PLCB1: variants seen among roughly 807,000 people sequenced by gnomAD.
PLCB1 encodes the protein 1-phosphatidylinositol 4,5-bisphosphate phosphodiesterase beta-1.
PLCB1 carries 46 observed loss-of-function variants against 161.8 expected under a neutral mutation model. The ratio of observed to expected loss-of-function variants is 0.28; its 90% CI spans 0.22 to 0.36. PLCB1 has a LOEUF of 0.36. Ranked by LOEUF, PLCB1 falls within the 10% of genes least tolerant of loss-of-function variation. The pLI, the probability that PLCB1 is intolerant of heterozygous loss-of-function variation, is 1.00. For missense variants in PLCB1, 1,016 were observed against 1,472.5 expected (o/e 0.69, Z 5.07); for synonymous variants, 517 against 503.7 (o/e 1.03, Z -0.35).
intron 3 of PLCB1, among the ~76,000 whole-genome samples, chr20:8,512,247 T>C (rs1983919776): frequency 6.6e-6 from 1 of 152,142 alleles, no homozygotes; most frequent in East Asian, 1.9e-4. Context: ...CTGTAAAATT[T>C]TATGGAAAAA....
intron 2 of PLCB1, among the ~76,000 whole-genome samples, chr20:8,197,755 A>G (rs8183896): frequency 0.058 from 8,789 of 152,174 alleles, 1,111 homozygotes; most frequent in East Asian, 0.54. Flanking sequence ...CCTGCATGGT[A>G]TTGCCTAGGT....
chr20:8,870,772 A>G (rs1034727999), intron 31 of PLCB1, among the ~76,000 whole-genome samples: 4 of 152,214 alleles, frequency 2.6e-5, no homozygotes, highest in African/African-American at 9.6e-5. Flanking sequence ...CAACACTTTG[A>G]ATCTAAATCT....
At chr20:8,261,869 C>T (rs896854563) in intron 2 of PLCB1, among the ~76,000 whole-genome samples, 1 of 152,144 alleles carries the variant, frequency 6.6e-6, no homozygotes, top group African/African-American at 2.4e-5. Context: ...TAAAGTCCAT[C>T]AGACACACAA....
At chr20:8,681,102 A>ACATATG (rs1990204940) in intron 9 of PLCB1, among the ~76,000 whole-genome samples, 4 of 131,134 alleles carry the variant, frequency 3.1e-5, no homozygotes, top group Non-Finnish European at 4.9e-5. Context: ...ATATATATAT[A>ACATATG]TATATATATA....
chr20:8,233,942 A>G (rs1980195442), intron 2 of PLCB1, among the ~76,000 whole-genome samples: 1 of 152,082 alleles, frequency 6.6e-6, no homozygotes, highest in Admixed American at 6.6e-5. Context: ...ATAATATTCC[A>G]TTGTGTGGAT....
intron 3 of PLCB1, among the ~76,000 whole-genome samples, chr20:8,594,685 C>CA (rs1987267665): frequency 6.8e-6 from 1 of 147,582 alleles, no homozygotes; most frequent in Middle Eastern, 3.5e-3. Context: ...TTTGAGGAAA[C>CA]CAAAAAAAAA....
chr20:8,563,718 C>A (rs1436162187), intron 3 of PLCB1, among the ~76,000 whole-genome samples: 1 of 151,946 alleles, frequency 6.6e-6, no homozygotes, highest in East Asian at 1.9e-4. Flanking sequence ...AAACAGAGAG[C>A]CAAATCATAG....
intron 2 of PLCB1, among the ~76,000 whole-genome samples, chr20:8,323,071 T>TAGGA (rs1984987705): frequency 2.0e-5 from 3 of 152,146 alleles, no homozygotes; most frequent in Admixed American, 2.0e-4. Context: ...CTCAGTTAAC[T>TAGGA]GATTGCTTTG....
At chr20:8,295,260 G>A (rs749648262) in intron 2 of PLCB1, among the ~76,000 whole-genome samples, 2 of 151,952 alleles carry the variant, frequency 1.3e-5, no homozygotes, top group African/African-American at 2.4e-5. Flanking sequence ...TAGATAAATT[G>A]GTTTTTATTA....
intron 23 of PLCB1, among the ~76,000 whole-genome samples, chr20:8,747,347 A>C (rs1463112652): frequency 6.6e-6 from 1 of 152,234 alleles, no homozygotes; most frequent in Non-Finnish European, 1.5e-5. Flanking sequence ...ATTCATTTCC[A>C]TACTTGGGAA....
chr20:8,299,005 G>C (rs1200375564), intron 2 of PLCB1, among the ~76,000 whole-genome samples: 5 of 32,820 alleles, frequency 1.5e-4, no homozygotes, highest in Non-Finnish European at 2.4e-4. Context: ...CTTATAGGTA[G>C]GTAGATAGAC....
intron 3 of PLCB1, among the ~76,000 whole-genome samples, chr20:8,562,219 T>C (rs897263738): frequency 5.3e-5 from 8 of 152,042 alleles, no homozygotes; most frequent in Admixed American, 1.3e-4. Context: ...ACCTTGGCTG[T>C]ACATTGAAAT....
intron 3 of PLCB1, among the ~76,000 whole-genome samples, chr20:8,459,731 G>A (rs960321511): frequency 1.3e-5 from 2 of 152,246 alleles, no homozygotes; most frequent in East Asian, 1.9e-4. Flanking sequence ...CAGCTACAGA[G>A]GCCATGACAT....
intron 31 of PLCB1, among the ~76,000 whole-genome samples, chr20:8,819,257 C>T (rs1254751916): frequency 3.3e-5 from 5 of 152,088 alleles, no homozygotes; most frequent in Non-Finnish European, 7.4e-5. Context: ...GCACTGGAGA[C>T]ATGTGGAGAA....
At chr20:8,167,272 G>A (rs1411333195) in intron 2 of PLCB1, among the ~76,000 whole-genome samples, 1 of 152,192 alleles carries the variant, frequency 6.6e-6, no homozygotes, top group African/African-American at 2.4e-5. Flanking sequence ...GGAACTCCAA[G>A]ACTATTAGTT....
chr20:8,689,545 T>A (rs529344139), intron 10 of PLCB1, among the ~76,000 whole-genome samples: 1 of 152,312 alleles, frequency 6.6e-6, no homozygotes, highest in Admixed American at 6.5e-5. Flanking sequence ...TGAGCTGTGC[T>A]CTTTTTAGTA....
intron 1 of PLCB1, among the ~76,000 whole-genome samples, chr20:8,140,622 G>C (rs188145256): frequency 6.6e-6 from 1 of 152,078 alleles, no homozygotes; most frequent in African/African-American, 2.4e-5. Flanking sequence ...TGCATTTCAC[G>C]TAGAAGCAAA....
intron 3 of PLCB1, among the ~76,000 whole-genome samples, chr20:8,383,197 T>C (rs1428873221): frequency 1.3e-5 from 2 of 152,244 alleles, no homozygotes; most frequent in African/African-American, 4.8e-5. Context: ...TCTAAGAACA[T>C]GTTTTATGAA....
chr20:8,253,812 A>G (rs889682748), intron 2 of PLCB1, among the ~76,000 whole-genome samples: 2 of 151,682 alleles, frequency 1.3e-5, no homozygotes, highest in Non-Finnish European at 2.9e-5. Flanking sequence ...TATTGTTGCT[A>G]TCTTTGTGTT....
Sources: allele counts gnomAD v4.1 joint callset (sites outside exome capture counted in the v4.1 genomes callset), GRCh38; gene constraint gnomAD v4.1.1; transcripts MANE v1.5; gene names NCBI Gene and HGNC (gene_info 2026-07-23, HGNC 2026-07-21).